FSTL5: variants seen among roughly 807,000 people sequenced by gnomAD.
FSTL5 encodes follistatin like 5.
A neutral mutation model predicts 89.1 loss-of-function variants in FSTL5; 62 were observed. The observed-to-expected ratio is 0.70, with a 90% confidence interval of 0.57 to 0.86. The LOEUF is 0.86. Ranked by LOEUF, FSTL5 falls within the 40% of genes least tolerant of loss-of-function variation. The pLI is 0.00. For missense variants in FSTL5, 1,057 were observed against 1,001.6 expected, an observed-to-expected ratio of 1.06 and a Z score of -0.75; for synonymous variants, 383 against 346.2, an observed-to-expected ratio of 1.11 and a Z score of -1.18.
At chr4:161,483,706 G>A (rs1729592422) in intron 12 of FSTL5, among the ~76,000 whole-genome samples, 1 of 152,114 alleles carries the variant, frequency 6.6e-6, no homozygotes, top group African/African-American at 2.4e-5. Flanking sequence ...AAAAATAGTA[G>A]AGGAATGTTT....
chr4:161,739,147 T>C (rs982335535), intron 6 of FSTL5, among the ~76,000 whole-genome samples: 2 of 152,240 alleles, frequency 1.3e-5, no homozygotes, highest in South Asian at 2.1e-4. Context: ...TTTTAGAATG[T>C]GTCCTTATTT....
chr4:161,991,044 A>G (rs1340722288), intron 3 of FSTL5, among the ~76,000 whole-genome samples: 1 of 152,166 alleles, frequency 6.6e-6, no homozygotes, highest in Non-Finnish European at 1.5e-5. Context: ...TATGAACCAA[A>G]TCCCAGCACT....
intron 3 of FSTL5, among the ~76,000 whole-genome samples, chr4:161,988,746 G>A (rs1736031531): frequency 6.6e-6 from 1 of 151,984 alleles, no homozygotes; most frequent in Non-Finnish European, 1.5e-5. Flanking sequence ...AGAAATATAA[G>A]ATGCTAAGTC....
chr4:162,031,961 C>A (rs1323641325), intron 3 of FSTL5, among the ~76,000 whole-genome samples: 1 of 151,836 alleles, frequency 6.6e-6, no homozygotes, highest in Non-Finnish European at 1.5e-5. Flanking sequence ...AGTTAGAAGT[C>A]TAAAAGCCAC....
chr4:161,400,858 GTTA>G (rs1005325301), intron 15 of FSTL5, among the ~76,000 whole-genome samples: 6 of 152,058 alleles, frequency 3.9e-5, no homozygotes, highest in African/African-American at 1.4e-4. Context: ...AGGACATTAT[GTTA>G]TTATGTTATC....
intron 15 of FSTL5, among the ~76,000 whole-genome samples, chr4:161,444,261 A>T (rs2872527): frequency 0.46 from 69,089 of 151,570 alleles, 16,121 homozygotes; most frequent in East Asian, 0.64. Context: ...TAATGAACAG[A>T]CTTTATGAAG....
chr4:161,972,434 T>C (rs1735510731), intron 3 of FSTL5, among the ~76,000 whole-genome samples: 1 of 152,158 alleles, frequency 6.6e-6, no homozygotes. Context: ...CATTCTGATA[T>C]CTGTCTTCTA....
intron 4 of FSTL5, among the ~76,000 whole-genome samples, chr4:161,822,119 C>T (rs1294440438): frequency 2.6e-5 from 4 of 152,002 alleles, no homozygotes; most frequent in Non-Finnish European, 4.4e-5. Context: ...TCATTATGGC[C>T]ATTCTTGCAG....
At chr4:162,083,699 A>T (rs949166536) in intron 2 of FSTL5, among the ~76,000 whole-genome samples, 1 of 151,840 alleles carries the variant, frequency 6.6e-6, no homozygotes, top group Non-Finnish European at 1.5e-5. Context: ...TTCAAATATT[A>T]TCAAAACATC....
At chr4:161,403,241 C>T (rs2110913355) in intron 15 of FSTL5, among the ~76,000 whole-genome samples, 1 of 152,250 alleles carries the variant, frequency 6.6e-6, no homozygotes, top group African/African-American at 2.4e-5. Context: ...ATAGGATTTC[C>T]TGATTTACAA....
At chr4:161,686,319 TATATATATATATATATATATATA>T (rs1737717209) in intron 6 of FSTL5, among the ~76,000 whole-genome samples, 3 of 4,530 alleles carry the variant, frequency 6.6e-4, no homozygotes, top group African/African-American at 2.3e-3. Context: ...TATATATATA[TATATATATATATATATATATATA>T]TATATTTTTT....
chr4:161,787,492 CAT>C (rs1402884921), intron 4 of FSTL5, among the ~76,000 whole-genome samples: 2 of 152,032 alleles, frequency 1.3e-5, no homozygotes, highest in Non-Finnish European at 1.5e-5. Flanking sequence ...GCTGCTGAAA[CAT>C]TGATTAGTTT....
intron 3 of FSTL5, among the ~76,000 whole-genome samples, chr4:162,025,524 T>C (rs145391670): frequency 1.5e-3 from 231 of 152,220 alleles, no homozygotes; most frequent in African/African-American, 5.3e-3. Flanking sequence ...TAAAGGATTA[T>C]GTAGAAATTT....
chr4:161,569,799 A>ACACACC (rs1458271316), intron 8 of FSTL5, among the ~76,000 whole-genome samples: 3 of 124,210 alleles, frequency 2.4e-5, no homozygotes, highest in African/African-American at 9.6e-5. Flanking sequence ...ACACACACAC[A>ACACACC]CCCCACATTG....
intron 4 of FSTL5, among the ~76,000 whole-genome samples, chr4:161,856,545 C>G (rs1001622814): frequency 2.0e-5 from 3 of 151,448 alleles, no homozygotes; most frequent in South Asian, 4.2e-4. Context: ...CCTAGAGATA[C>G]AAAAGTGAAA....
At chr4:161,624,004 T>C (rs1735226906) in intron 7 of FSTL5, among the ~76,000 whole-genome samples, 1 of 152,040 alleles carries the variant, frequency 6.6e-6, no homozygotes, top group Admixed American at 6.6e-5. Flanking sequence ...AATGAATGTA[T>C]GAAAGTAAAA....
intron 6 of FSTL5, among the ~76,000 whole-genome samples, chr4:161,681,218 A>T (rs1729147164): frequency 6.6e-6 from 1 of 152,138 alleles, no homozygotes; most frequent in Non-Finnish European, 1.5e-5. Flanking sequence ...CTGTGACTGA[A>T]AACAGACATC....
intron 4 of FSTL5, among the ~76,000 whole-genome samples, chr4:161,913,263 A>C (rs762784828): frequency 6.6e-6 from 1 of 152,138 alleles, no homozygotes; most frequent in Non-Finnish European, 1.5e-5. Context: ...GCCATGCCAG[A>C]GACCTTCATG....
chr4:162,102,613 A>G (rs1003670770), intron 2 of FSTL5, among the ~76,000 whole-genome samples: 5 of 146,186 alleles, frequency 3.4e-5, no homozygotes, highest in African/African-American at 1.2e-4. Flanking sequence ...ATTATATTAT[A>G]TATAAAATAT....
Sources: gnomAD v4.1 joint callset for allele counts (sites outside exome capture counted in the v4.1 genomes callset) on GRCh38, gnomAD v4.1.1 for gene constraint, MANE v1.5 for transcripts, NCBI Gene and HGNC (gene_info 2026-07-23, HGNC 2026-07-21) for gene names.